Variants in IRF4 observed in about 807,000 individuals in gnomAD.
The protein encoded by IRF4 is interferon regulatory factor 4, also known as lymphocyte-specific interferon regulatory factor.
A neutral mutation model predicts 55.5 loss-of-function variants in IRF4; 13 were observed. The observed-to-expected ratio is 0.23, with a 90% CI of 0.15 to 0.37. IRF4 has a LOEUF of 0.37. Among genes scored for constraint, IRF4 ranks in the 10% least tolerant of loss-of-function variants. IRF4 has a pLI of 1.00. For synonymous variants in IRF4, 249 were observed against 240.7 expected (o/e 1.03, Z -0.32); for missense variants, 397 against 593.8 (o/e 0.67, Z 3.44).
chr6:398,401 A>G (rs1761321164), intron 5 of IRF4, among the ~76,000 whole-genome samples: 1 of 152,228 alleles, frequency 6.6e-6, no homozygotes, highest in African/African-American at 2.4e-5. Context: ...CCCAACCCAC[A>G]AGAGACAAGC....
chr6:408,667 A>G lies in IRF4; in HGVS notation c.*1069A>G, dbSNP rs180974601. The stretch of plus-strand genomic sequence containing the variant: ...TGCCCTTCTGTCCAAGTACTTAACT[A>G]TCTGTTCCCTTCCTCTGTGCCACGC... On this transcript the variant is annotated 3_prime_UTR_variant, in exon 9 of 9. Transcript: ENST00000380956. The G allele has an allele frequency of 2.2e-5, 5 of 229,932 alleles. No individual in the cohort carries two copies. Among genetic ancestry groups the G allele is most frequent in the South Asian group, 1.8e-4 (1 of 5,492 alleles). 14.2% of individuals were successfully genotyped at this position (229,932 alleles called of 1,614,324 possible). A position where few individuals can be genotyped will look rare whatever the true frequency, so the allele number is the denominator to read the frequency against.
Position 393,753 on chromosome 6 carries a change from T to A in IRF4, c.216+385T>A, listed in dbSNP as rs546597197. Among the ~76,000 whole-genome samples the A allele has an allele frequency of 1.3e-5, 2 of 152,254 alleles. No homozygotes were observed. The highest frequency in any genetic ancestry group is 1.3e-4 in the Admixed American group (2 of 15,306). ...CTCCGTCCGTGGGTCCCCCTCGCCC[T>A]CTCCGTGCGTCCGCGCCTGTGCCGG... On this transcript the variant is annotated intron_variant, in intron 2 of 8. Coordinates refer to ENST00000380956, the MANE Select transcript of IRF4 (RefSeq NM_002460.4). The surrounding 1 kb of genome is among the most constrained non-coding windows in gnomAD (Gnocchi z 5.4).
intron 7 of IRF4, among the ~76,000 whole-genome samples, chr6:404,010 C>A (rs1761476651): frequency 6.6e-6 from 1 of 152,020 alleles, no homozygotes; most frequent in Non-Finnish European, 1.5e-5. Flanking sequence ...CTAGAAACTT[C>A]TGTTCAGTTG....
At position 401,715 on chromosome 6, in the gene IRF4, G is replaced by A. The variant is rs199596593; in HGVS notation, c.1037G>A (p.Arg346Gln). 41 of 1,614,192 alleles carry A rather than the reference G, an allele frequency of 2.5e-5. No homozygotes were observed. Among genetic ancestry groups the A allele is most frequent in the African/African-American group, 2.1e-4 (16 of 75,048 alleles). Residue 346 changes from arginine to glutamine, a missense_variant, in exon 7 of 9, where the codon CGG (arginine) becomes CAG (glutamine). Arg to Gln is a conservative substitution (Grantham distance 43). Coordinates refer to ENST00000380956, the MANE Select transcript of IRF4 (RefSeq NM_002460.4). ...GGGCCCCTGGCGCTGTGCAACGACC[G>A]GCCCAACAAACTGGAGAGAGACCAG... Reference protein sequence around the residue: ...WDGPLALCNDRPNKLERDQTC... With the variant: ...WDGPLALCNDQPNKLERDQTC...
At chr6:401,852 C>T (rs748399819) in intron 7 of IRF4, 75 bp downstream of exon 7, 20 of 1,337,842 alleles carry the variant, frequency 1.5e-5, no homozygotes, top group Non-Finnish European at 2.1e-5. Context: ...ACCACAGGGT[C>T]CCTCCCACCC....
chr6:403,257 T>TG (rs1218110708), intron 7 of IRF4, among the ~76,000 whole-genome samples: 3 of 152,152 alleles, frequency 2.0e-5, no homozygotes, highest in Non-Finnish European at 4.4e-5. Context: ...GAAGGGCAAC[T>TG]GGGGGGACCC....
At position 394,913 on chromosome 6, in the gene IRF4, G is replaced by A. The variant is rs1761213519; in HGVS notation, c.309G>A (p.Lys103=). The A allele has an allele frequency of 1.2e-6, 2 of 1,614,224 alleles. No homozygotes were observed. Among genetic ancestry groups the A allele is most frequent in the African/African-American group, 1.3e-5 (1 of 75,060 alleles). ...CGCGCCTGCGGTGCGCTTTGAACAA[G>A]AGCAATGACTTTGAGGAACTGGTTG... The part of the protein sequence containing the change: ...WKTRLRCALN[K]SNDFEELVER... Residue 103 remains lysine (K), a synonymous_variant, in exon 3 of 9, where the codon AAG becomes AAA. Transcript: ENST00000380956.
intron 8 of IRF4, chr6:406,971 G>A: frequency 1.1e-6 from 1 of 897,804 alleles, no homozygotes; most frequent in South Asian, 4.1e-5. Context: ...TTCCACAATA[G>A]TAGTTTTGTT....
In IRF4 at chr6:393,286, A is replaced by T; in HGVS notation, c.134A>T (p.Glu45Val). 6.8e-6 allele frequency: 11 copies of T among 1,606,682 alleles called. No individual in the cohort carries two copies. The highest frequency in any genetic ancestry group is 9.3e-6 in the Non-Finnish European group (11 of 1,176,874). ...TACCCCGGGCTGGTGTGGGAGAACG[A>T]GGAGAAGAGCATCTTCCGCATCCCC... is the stretch of plus-strand genomic sequence containing the variant. The part of the protein sequence containing the change: ...GKYPGLVWEN[E>V]EKSIFRIPWK... Residue 45 changes from glutamate to valine, a missense_variant, in exon 2 of 9, where the codon GAG becomes GTG. By Grantham distance (121) the Glu-to-Val change is moderately radical. Coordinates refer to ENST00000380956, the MANE Select transcript of IRF4 (RefSeq NM_002460.4). The surrounding 1 kb of genome is among the most constrained non-coding windows in gnomAD (Gnocchi z 5.4).
chr6:393,091 C>G lies in IRF4; in HGVS notation c.-55-7C>G. The G allele has an allele frequency of 2.8e-6, 4 of 1,439,836 alleles. No individual in the cohort carries two copies. Among genetic ancestry groups the G allele is most frequent in the Non-Finnish European group, 3.8e-6 (4 of 1,061,664 alleles). 89.2% of individuals were successfully genotyped at this position (1,439,836 alleles called of 1,614,324 possible). ...TCGTGGCTGAAGGGCAGCTCTTCTC[C>G]CCGCAGTGCAGAGCAGAGCGGGCGG... is the stretch of plus-strand genomic sequence containing the variant. On this transcript the variant is annotated splice_region_variant and splice_polypyrimidine_tract_variant and intron_variant, in intron 1 of 8. Coordinates refer to ENST00000380956, the MANE Select transcript of IRF4 (RefSeq NM_002460.4). This position sits in a 1 kb window ranked among gnomAD's most constrained non-coding sequence, Gnocchi z 5.4.
intron 6 of IRF4, among the ~76,000 whole-genome samples, chr6:400,493 A>G (rs1368884856): frequency 6.6e-6 from 1 of 152,230 alleles, no homozygotes; most frequent in Non-Finnish European, 1.5e-5. Flanking sequence ...ACTTAAACAC[A>G]AAGCCCAGTG....
At chr6:396,072 G>A in intron 4 of IRF4, 137 bp downstream of exon 4, 1 of 653,152 alleles carries the variant, frequency 1.5e-6, no homozygotes, top group Non-Finnish European at 2.6e-6. Context: ...AAAAACCCCA[G>A]GTCACTGAAC....
Position 407,564 on chromosome 6 carries a change from AC to A in IRF4, c.1323del (p.His441GlnfsTer29). 1 of 1,611,794 alleles carries A rather than the reference AC, an allele frequency of 6.2e-7. No homozygotes were observed. Among genetic ancestry groups the A allele is most frequent in the Non-Finnish European group, 8.5e-7 (1 of 1,179,408 alleles). On this transcript the variant is annotated frameshift_variant, in exon 9 of 9. Coordinates refer to ENST00000380956, the MANE Select transcript of IRF4 (RefSeq NM_002460.4). LOFTEE classifies it high-confidence loss of function. ...PEHISNPEDY[H>X]RSIRHSSIQE ...CACATCAGCAATCCAGAAGATTACC[AC>A]AGATCTATCCGCCATTCCTCTATTC...
rs1217503056 is a variant in IRF4, at chr6:404,885, C to T, written c.1100-133C>T. ...TCTGAGATGTTCACATCAAGAGCCCCACTCAGCGGAGTAAGAGTGCTCATT... is the reference window on the plus strand; with the variant it reads ...TCTGAGATGTTCACATCAAGAGCCCTACTCAGCGGAGTAAGAGTGCTCATT... On this transcript the variant is annotated intron_variant, in intron 7 of 8. Transcript: ENST00000380956. 1.6e-5 allele frequency: 10 copies of T among 616,764 alleles called. No homozygotes were observed. In the African/African-American group the frequency reaches 1.7e-4, roughly 10 times the overall value. 38.2% of individuals were successfully genotyped at this position (616,764 alleles called of 1,614,324 possible).
chr6:401,689 C>T lies in IRF4; in HGVS notation c.1011C>T (p.Asp337=), dbSNP rs774672138. 25 of 1,614,112 alleles carry T rather than the reference C, an allele frequency of 1.5e-5. 1 individual carries two copies. The highest frequency in any genetic ancestry group is 3.3e-4 in the Middle Eastern group (2 of 6,084). Residue 337 remains aspartate (D), a synonymous_variant, in exon 7 of 9, where the codon GAC becomes GAT. Coordinates refer to ENST00000380956, the MANE Select transcript of IRF4 (RefSeq NM_002460.4). The part of the protein sequence containing the change: ...KRLCQSRIYW[D]GPLALCNDRP... The stretch of plus-strand genomic sequence containing the variant: ...TGTGCCAGAGCAGGATCTACTGGGA[C>T]GGGCCCCTGGCGCTGTGCAACGACC...
In IRF4 at chr6:410,036, A is replaced by G. The variant is rs1761655694; in HGVS notation, c.*2438A>G. Reference sequence around the variant, plus strand: ...AGTGATCCAGGGTATGACCTAGGGAATGAACTAGCTATGAAATACTCAGGG... The same window carrying G: ...AGTGATCCAGGGTATGACCTAGGGAGTGAACTAGCTATGAAATACTCAGGG... On this transcript the variant is annotated 3_prime_UTR_variant, in exon 9 of 9. Coordinates refer to ENST00000380956, the MANE Select transcript of IRF4 (RefSeq NM_002460.4). 1 of 227,058 alleles carries G rather than the reference A, an allele frequency of 4.4e-6. No homozygotes were observed. 14.1% of individuals were successfully genotyped at this position (227,058 alleles called of 1,614,324 possible).
chr6:403,573 G>A (rs545365121), intron 7 of IRF4, among the ~76,000 whole-genome samples: 8 of 152,332 alleles, frequency 5.3e-5, no homozygotes, highest in East Asian at 1.9e-4. Flanking sequence ...GGGGGTGGAC[G>A]CCTGTGAGTG....
intron 7 of IRF4, among the ~76,000 whole-genome samples, chr6:404,487 GT>G (rs1314144074): frequency 6.6e-6 from 1 of 152,234 alleles, no homozygotes; most frequent in African/African-American, 2.4e-5. Context: ...CTGGTGCTCA[GT>G]CACCACGTTG....
chr6:404,500 C>T (rs561146228), intron 7 of IRF4, among the ~76,000 whole-genome samples: 1 of 152,334 alleles, frequency 6.6e-6, no homozygotes, highest in East Asian at 1.9e-4. Flanking sequence ...ACCACGTTGA[C>T]GTTACATATT....
Sources: allele counts gnomAD v4.1 joint callset (sites outside exome capture counted in the v4.1 genomes callset), GRCh38; gene constraint gnomAD v4.1.1; non-coding constraint Gnocchi (gnomAD v3.1); transcripts MANE v1.5; gene names NCBI Gene and HGNC (gene_info 2026-07-23, HGNC 2026-07-21).